Variants in FHIT observed in about 807,000 individuals in gnomAD.
The protein encoded by FHIT is fragile histidine triad diadenosine triphosphatase, also known as bis(5'-adenosyl)-triphosphatase.
In FHIT, 19 loss-of-function variants were observed where a neutral mutation model predicts 17.9. The observed-to-expected ratio is 1.06, with a 90% CI of 0.74 to 1.56. FHIT has a LOEUF of 1.56. Among genes scored for constraint, FHIT ranks in the 40% most tolerant of loss-of-function variants. The pLI, the probability that FHIT is intolerant of heterozygous loss-of-function variation, is 0.00. For missense variants in FHIT, 248 were observed against 189.2 expected (o/e 1.31, Z -1.82); for synonymous variants, 81 against 69.7 (o/e 1.16, Z -0.81).
chr3:60,597,039 A>G (rs561104935), intron 4 of FHIT, among the ~76,000 whole-genome samples: 1 of 152,158 alleles, frequency 6.6e-6, no homozygotes, highest in Non-Finnish European at 1.5e-5. Context: ...ATTATTTTAC[A>G]CAGCACCATC....
chr3:60,029,514 G>A (rs1226242997), intron 5 of FHIT, among the ~76,000 whole-genome samples: 1 of 152,182 alleles, frequency 6.6e-6, no homozygotes. Flanking sequence ...TCTCCAGAAA[G>A]AGCAGACCCG....
At chr3:59,956,366 G>A (rs553293058) in intron 7 of FHIT, among the ~76,000 whole-genome samples, 1 of 151,924 alleles carries the variant, frequency 6.6e-6, no homozygotes, top group Non-Finnish European at 1.5e-5. Context: ...AGACCTATTT[G>A]CCAAAAAAGA....
At position 59,747,492 on chromosome 3, in the gene FHIT, T is replaced by G. The variant is rs1477686791; in HGVS notation, c.*2093A>C. The stretch of plus-strand genomic sequence containing the variant: ...GGGTCCCTCCCATGACATGTGGGGA[T>G]TATGGGAGCTACAATTCAAGATGAG... On this transcript the variant is annotated 3_prime_UTR_variant, in exon 10 of 10. Transcript: ENST00000492590. 1.3e-5 allele frequency among the ~76,000 whole-genome samples: 2 copies of G among 152,086 alleles called. No homozygotes were observed.
chr3:61,083,867 T>A (rs2106786629), intron 2 of FHIT, among the ~76,000 whole-genome samples: 1 of 152,340 alleles, frequency 6.6e-6, no homozygotes, highest in East Asian at 1.9e-4. Context: ...TAATATTCCA[T>A]TGTACGGATA....
chr3:60,499,020 G>C (rs1389447942), intron 5 of FHIT, among the ~76,000 whole-genome samples: 1 of 145,284 alleles, frequency 6.9e-6, no homozygotes, highest in Non-Finnish European at 1.5e-5. Context: ...AAGCAATAGC[G>C]TGATAGATGT....
At chr3:60,643,214 T>G (rs2039769876) in intron 4 of FHIT, among the ~76,000 whole-genome samples, 1 of 151,992 alleles carries the variant, frequency 6.6e-6, no homozygotes, top group African/African-American at 2.4e-5. Context: ...TCCCTTTCAA[T>G]GTACAACATG....
chr3:60,920,867 G>A (rs919851796), intron 3 of FHIT, among the ~76,000 whole-genome samples: 23 of 152,220 alleles, frequency 1.5e-4, no homozygotes, highest in South Asian at 4.1e-4. Flanking sequence ...AGAACAGGGA[G>A]GCATTAGAGA....
chr3:60,464,552 T>C (rs530468054), intron 5 of FHIT, among the ~76,000 whole-genome samples: 2 of 152,206 alleles, frequency 1.3e-5, no homozygotes, highest in South Asian at 4.2e-4. Flanking sequence ...CTACTCTCTC[T>C]TTCCGTGAGC....
At chr3:61,066,336 G>A (rs1037836865) in intron 2 of FHIT, among the ~76,000 whole-genome samples, 5 of 152,110 alleles carry the variant, frequency 3.3e-5, no homozygotes, top group South Asian at 2.1e-4. Context: ...CAAAAAGGCC[G>A]GGCATGGTGG....
chr3:59,881,200 T>C (rs551679315), intron 8 of FHIT, among the ~76,000 whole-genome samples: 19 of 152,204 alleles, frequency 1.2e-4, no homozygotes, highest in African/African-American at 4.6e-4. Flanking sequence ...AGGGACAAAA[T>C]GATAGTAAGA....
chr3:60,208,048 T>C lies in FHIT; in HGVS notation c.104-193896A>G, dbSNP rs549825823. 9.2e-5 allele frequency among the ~76,000 whole-genome samples: 14 copies of C among 152,288 alleles called. No individual in the cohort carries two copies. In the East Asian group the frequency reaches 2.5e-3, roughly 27 times the overall value. ...TGATTCACTTAGTACTTGACAGCAATGCTTTTATTAGAAACACTTTACTTA... is the reference window on the plus strand; with the variant it reads ...TGATTCACTTAGTACTTGACAGCAACGCTTTTATTAGAAACACTTTACTTA... On this transcript the variant is annotated intron_variant, in intron 5 of 9. Transcript: ENST00000492590.
intron 5 of FHIT, among the ~76,000 whole-genome samples, chr3:60,118,767 G>T (rs1346423702): frequency 8.8e-6 from 1 of 113,922 alleles, no homozygotes; most frequent in African/African-American, 3.0e-5. Flanking sequence ...GGCTGAGGTG[G>T]GGGCGGCGGG....
At chr3:59,859,920 GT>G (rs1367510554) in intron 8 of FHIT, among the ~76,000 whole-genome samples, 6 of 152,166 alleles carry the variant, frequency 3.9e-5, no homozygotes, top group South Asian at 4.1e-4. Flanking sequence ...GATTGGAAGT[GT>G]TTTTATAATA....
intron 5 of FHIT, among the ~76,000 whole-genome samples, chr3:60,484,474 A>G (rs1247591378): frequency 2.6e-5 from 4 of 152,214 alleles, no homozygotes; most frequent in South Asian, 2.1e-4. Context: ...AAACAGAGAT[A>G]TAGACCAATG....
chr3:60,571,798 A>G (rs1176521065), intron 4 of FHIT, among the ~76,000 whole-genome samples: 1 of 152,082 alleles, frequency 6.6e-6, no homozygotes, highest in Non-Finnish European at 1.5e-5. Context: ...GAACAGATCC[A>G]AAAGCAAGGT....
chr3:59,766,205 A>T (rs1701788845), intron 8 of FHIT, among the ~76,000 whole-genome samples: 1 of 152,204 alleles, frequency 6.6e-6, no homozygotes, highest in Non-Finnish European at 1.5e-5. Flanking sequence ...CATTAAACAT[A>T]ACTACTTACA....
intron 5 of FHIT, among the ~76,000 whole-genome samples, chr3:60,391,797 C>T (rs1479106059): frequency 6.6e-5 from 10 of 152,142 alleles, no homozygotes; most frequent in South Asian, 2.1e-4. Flanking sequence ...CTTCATCAAG[C>T]GATGGATGAC....
At chr3:61,206,426 A>C (rs781709294) in intron 1 of FHIT, among the ~76,000 whole-genome samples, 4 of 151,096 alleles carry the variant, frequency 2.6e-5, no homozygotes, top group Non-Finnish European at 4.4e-5. Context: ...CCATTTTGAC[A>C]ATATTGATTC....
At chr3:60,241,467 T>C (rs1433700012) in intron 5 of FHIT, among the ~76,000 whole-genome samples, 1 of 152,180 alleles carries the variant, frequency 6.6e-6, no homozygotes, top group African/African-American at 2.4e-5. Flanking sequence ...AAATATTTAT[T>C]TACATGCATT....
Sources: gnomAD v4.1 joint callset for allele counts (sites outside exome capture counted in the v4.1 genomes callset) on GRCh38, gnomAD v4.1.1 for gene constraint, MANE v1.5 for transcripts, NCBI Gene and HGNC (gene_info 2026-07-23, HGNC 2026-07-21) for gene names.